SH3GLB1: variants seen among roughly 807,000 people sequenced by gnomAD.
SH3GLB1 encodes the protein SH3 domain containing GRB2 like, endophilin B1.
SH3GLB1 carries 17 observed loss-of-function variants against 42.0 expected under a neutral mutation model. The ratio of observed to expected loss-of-function variants is 0.40; its 90% CI spans 0.28 to 0.61. SH3GLB1 has a LOEUF of 0.61. Among genes scored for constraint, SH3GLB1 ranks in the 20% least tolerant of loss-of-function variants. The probability of loss-of-function intolerance (pLI) is 0.36; values close to 1 mark genes in which losing one functional copy is unlikely to be tolerated. For synonymous variants in SH3GLB1, 132 were observed against 146.6 expected, an observed-to-expected ratio of 0.90 and a Z score of 0.72; for missense variants, 355 against 426.3, an observed-to-expected ratio of 0.83 and a Z score of 1.47.
chr1:86,711,218 AT>A (rs1207624430), intron 1 of SH3GLB1, among the ~76,000 whole-genome samples: 1 of 151,830 alleles, frequency 6.6e-6, no homozygotes, highest in East Asian at 1.9e-4. Context: ...TCACACACCC[AT>A]TTTATTTGTA....
intron 3 of SH3GLB1, 119 bp from the exon 4 acceptor site, chr1:86,722,421 A>T: frequency 1.2e-6 from 1 of 835,306 alleles, no homozygotes; most frequent in Non-Finnish European, 1.8e-6. Context: ...ATTTGGTTTT[A>T]CTTTAGCAAG....
At chr1:86,717,239 T>C (rs1016238374) in intron 2 of SH3GLB1, among the ~76,000 whole-genome samples, 5 of 152,228 alleles carry the variant, frequency 3.3e-5, no homozygotes, top group Non-Finnish European at 7.3e-5. Context: ...TCTGGCACTT[T>C]TATTAAAAGT....
At chr1:86,743,003 A>T in intron 8 of SH3GLB1, 125 bp from the exon 9 acceptor site, 1 of 740,264 alleles carries the variant, frequency 1.4e-6, no homozygotes, top group Non-Finnish European at 2.2e-6. Flanking sequence ...TTTTCAGCAC[A>T]ATTGATAATA....
chr1:86,730,466 C>A, intron 5 of SH3GLB1: 1 of 723,924 alleles, frequency 1.4e-6, no homozygotes, highest in Non-Finnish European at 1.7e-6. Context: ...TGTCCTGTAT[C>A]TTCAGAGAAT....
Position 86,704,813 on chromosome 1 carries a change from C to G in SH3GLB1, c.-87C>G. On this transcript the variant is annotated 5_prime_UTR_variant, in exon 1 of 9. Transcript: ENST00000370558. Reference sequence around the variant, plus strand: ...CCTCCACCTACCACGTCTGCCCTCGCCGCTCTAGCCCTGCGCCCCAGCCCG... The same window carrying G: ...CCTCCACCTACCACGTCTGCCCTCGGCGCTCTAGCCCTGCGCCCCAGCCCG... 1.2e-6 allele frequency: 1 copy of G among 809,604 alleles called. No individual in the cohort carries two copies. 50.2% of individuals were successfully genotyped at this position (809,604 alleles called of 1,614,324 possible).
At chr1:86,712,770 A>T (rs926975028) in intron 1 of SH3GLB1, among the ~76,000 whole-genome samples, 71 of 152,104 alleles carry the variant, frequency 4.7e-4, no homozygotes, top group Non-Finnish European at 1.5e-4. Flanking sequence ...TAGTTAAAAA[A>T]AAAAAACCTA....
chr1:86,738,481 G>T (rs1655893546), intron 7 of SH3GLB1, among the ~76,000 whole-genome samples: 1 of 152,002 alleles, frequency 6.6e-6, no homozygotes, highest in South Asian at 2.1e-4. Flanking sequence ...TAGCCAGGAT[G>T]GTCTCGATCT....
At chr1:86,721,667 ATTAC>A (rs1654865340) in intron 3 of SH3GLB1, among the ~76,000 whole-genome samples, 1 of 152,180 alleles carries the variant, frequency 6.6e-6, no homozygotes, top group Admixed American at 6.5e-5. Flanking sequence ...ACTATGAACT[ATTAC>A]TTATAGATAC....
chr1:86,734,589 A>G lies in SH3GLB1; in HGVS notation c.571-13A>G. 6.3e-7 allele frequency: 1 copy of G among 1,586,558 alleles called. No individual in the cohort carries two copies. The highest frequency in any genetic ancestry group is 8.7e-7 in the Non-Finnish European group (1 of 1,155,964). ...TCTTCTAAAGAGATTCTAAAACTAT[A>G]TTCTTACTTAAGTCTGAACAGGAAT... On this transcript the variant is annotated splice_polypyrimidine_tract_variant and intron_variant, in intron 5 of 8. Coordinates refer to ENST00000370558, the MANE Select transcript of SH3GLB1 (RefSeq NM_016009.5).
In SH3GLB1 at chr1:86,724,830, C is replaced by T. The variant is rs144612790; in HGVS notation, c.570+425C>T. The stretch of plus-strand genomic sequence containing the variant: ...TGGAGGTTGCAGTGAGCCAAGTTTG[C>T]GCCACTGCACTCCAGCCTGGGCAAC... On this transcript the variant is annotated intron_variant, in intron 5 of 8. Transcript: ENST00000370558. 5.6e-3 allele frequency among the ~76,000 whole-genome samples: 801 copies of T among 143,226 alleles called. 7 individuals are homozygous for T. The highest frequency in any genetic ancestry group is 0.02 in the African/African-American group (740 of 37,924). The allele number at this position is 143,226 out of a possible 152,430, so 94.0% of individuals were successfully genotyped here.
chr1:86,729,791 C>G (rs74097426), intron 5 of SH3GLB1, among the ~76,000 whole-genome samples: 2,797 of 152,116 alleles, frequency 0.018, 44 homozygotes, highest in African/African-American at 0.029. Context: ...TAGTCCAAAT[C>G]TCTAATTTTC....
At chr1:86,716,752 G>A (rs1234503455) in intron 2 of SH3GLB1, among the ~76,000 whole-genome samples, 1 of 152,190 alleles carries the variant, frequency 6.6e-6, no homozygotes, top group Non-Finnish European at 1.5e-5. Context: ...AATTAGAAGT[G>A]GAAATTGGAC....
rs1653719594 is a variant in SH3GLB1, at chr1:86,704,795, C to T, written c.-105C>T. ...CGGGGCTGGCGCCGCCTCCCTCCAC[C>T]TACCACGTCTGCCCTCGCCGCTCTA... On this transcript the variant is annotated 5_prime_UTR_variant, in exon 1 of 9. Coordinates refer to ENST00000370558, the MANE Select transcript of SH3GLB1 (RefSeq NM_016009.5). 4 of 617,096 alleles carry T rather than the reference C, an allele frequency of 6.5e-6. No individual in the cohort carries two copies. Among genetic ancestry groups the T allele is most frequent in the Non-Finnish European group, 5.3e-6 (2 of 374,134 alleles). The allele number at this position is 617,096 out of a possible 1,614,324, so 38.2% of individuals were successfully genotyped here. A position where few individuals can be genotyped will look rare whatever the true frequency, so the allele number is the denominator to read the frequency against.
At chr1:86,706,591 A>C (rs1402817648) in intron 1 of SH3GLB1, among the ~76,000 whole-genome samples, 1 of 152,176 alleles carries the variant, frequency 6.6e-6, no homozygotes, top group Non-Finnish European at 1.5e-5. Flanking sequence ...GTGTGAAATG[A>C]ATTTTGATGT....
In SH3GLB1 at chr1:86,724,888, A is replaced by ATATAT. The variant is rs1428217607; in HGVS notation, c.570+483_570+484insTATAT. On this transcript the variant is annotated intron_variant, in intron 5 of 8. Transcript: ENST00000370558. ...GACCCTGTCTTTAAAAAAAAAAAAA[A>ATATAT]AAAAATATATATATATATATATATA... Among the ~76,000 whole-genome samples, 77 of 99,464 alleles carry ATATAT rather than the reference A, an allele frequency of 7.7e-4. 2 individuals are homozygous for ATATAT. Among genetic ancestry groups the ATATAT allele is most frequent in the Admixed American group, 1.0e-3 (11 of 10,490 alleles). The allele number at this position is 99,464 out of a possible 152,430, so 65.3% of individuals were successfully genotyped here.
Position 86,743,445 on chromosome 1 carries a change from T to TA in SH3GLB1, c.*211dup. 3.0e-6 allele frequency: 1 copy of TA among 337,008 alleles called. No individual in the cohort carries two copies. The highest frequency in any genetic ancestry group is 5.4e-6 in the Non-Finnish European group (1 of 186,798). The allele number at this position is 337,008 out of a possible 1,614,324, so 20.9% of individuals were successfully genotyped here. On this transcript the variant is annotated 3_prime_UTR_variant, in exon 9 of 9. Transcript: ENST00000370558. ...AGCTTTCATGCCAAGAATGTTTTCT[T>TA]ACAAAATTCTCTTTTTATTGAGGTT...
At chr1:86,732,898 C>T (rs768051993) in intron 5 of SH3GLB1, among the ~76,000 whole-genome samples, 4 of 151,910 alleles carry the variant, frequency 2.6e-5, no homozygotes, top group Non-Finnish European at 4.4e-5. Context: ...TAAATTAAAC[C>T]GTACTTTGAC....
intron 5 of SH3GLB1, chr1:86,730,168 AGTAAAT>A: frequency 1.3e-6 from 2 of 1,550,970 alleles, no homozygotes; most frequent in South Asian, 2.4e-5. Context: ...ACGTTGATTC[AGTAAAT>A]ATGTATTGGG....
chr1:86,727,867 A>G (rs183497477), intron 5 of SH3GLB1, among the ~76,000 whole-genome samples: 1 of 152,168 alleles, frequency 6.6e-6, no homozygotes, highest in African/African-American at 2.4e-5. Flanking sequence ...TAAATCTTTA[A>G]TCTGTAAACT....
Sources: allele counts gnomAD v4.1 joint callset (sites outside exome capture counted in the v4.1 genomes callset), GRCh38; gene constraint gnomAD v4.1.1; transcripts MANE v1.5; gene names NCBI Gene and HGNC (gene_info 2026-07-23, HGNC 2026-07-21).